Variants in PPFIA2 observed in about 807,000 individuals in gnomAD.
PPFIA2 encodes the protein PPFI scaffold protein A2.
PPFIA2 carries 46 observed loss-of-function variants against 175.5 expected under a neutral mutation model. The ratio of observed to expected loss-of-function variants is 0.26; its 90% CI spans 0.21 to 0.34. The LOEUF (loss-of-function observed/expected upper bound fraction) is 0.34. Among genes scored for constraint, PPFIA2 ranks in the 10% least tolerant of loss-of-function variants. PPFIA2 has a pLI of 1.00. For missense variants in PPFIA2, 1,179 were observed against 1,506.1 expected (o/e 0.78, Z 3.60); for synonymous variants, 568 against 511.4 (o/e 1.11, Z -1.49).
chr12:81,582,792 G>C (rs1304114640), intron 4 of PPFIA2, among the ~76,000 whole-genome samples: 1 of 151,642 alleles, frequency 6.6e-6, no homozygotes, highest in Non-Finnish European at 1.5e-5. Context: ...ATATATTTTT[G>C]GAGTGTCACA....
At chr12:81,666,172 A>T (rs1249138906) in intron 4 of PPFIA2, among the ~76,000 whole-genome samples, 4 of 152,172 alleles carry the variant, frequency 2.6e-5, no homozygotes, top group Admixed American at 2.6e-4. Context: ...GGGACTGTAA[A>T]CTAGTTCAAC....
intron 4 of PPFIA2, chr12:81,675,433 A>G (rs2072318634): frequency 6.6e-6 from 1 of 152,014 alleles, no homozygotes; most frequent in Admixed American, 6.6e-5. Flanking sequence ...AGAGGGTATG[A>G]CAAACTAACT....
chr12:81,663,974 C>T lies in PPFIA2; in HGVS notation c.303+12817G>A, dbSNP rs533656152. Among the ~76,000 whole-genome samples, 39 of 152,310 alleles carry T rather than the reference C, an allele frequency of 2.6e-4. No individual in the cohort carries two copies. The South Asian group carries it at 7.7e-3, about 30-fold the overall frequency. On this transcript the variant is annotated intron_variant, in intron 4 of 32. Transcript: ENST00000549396. ...TATTTAATAAATGGTGCTGGGAAAGCTGACTAACCATACTTAGAAAGCTGA... is the reference window on the plus strand; with the variant it reads ...TATTTAATAAATGGTGCTGGGAAAGTTGACTAACCATACTTAGAAAGCTGA...
At chr12:81,610,672 T>A (rs2060804923) in intron 4 of PPFIA2, among the ~76,000 whole-genome samples, 1 of 152,210 alleles carries the variant, frequency 6.6e-6, no homozygotes, top group Non-Finnish European at 1.5e-5. Context: ...GTTTACTTTA[T>A]CCTGAATCTT....
At chr12:81,653,161 C>T (rs1247982888) in intron 4 of PPFIA2, among the ~76,000 whole-genome samples, 2 of 152,030 alleles carry the variant, frequency 1.3e-5, no homozygotes, top group African/African-American at 4.8e-5. Flanking sequence ...TTAAGAGCAA[C>T]CAGCATAATA....
chr12:81,572,565 T>G (rs1003686578), intron 4 of PPFIA2, among the ~76,000 whole-genome samples: 1 of 152,020 alleles, frequency 6.6e-6, no homozygotes, highest in Non-Finnish European at 1.5e-5. Context: ...TTTAATAAAC[T>G]TTAGAATAAA....
chr12:81,607,255 C>A (rs1012456225), intron 4 of PPFIA2, among the ~76,000 whole-genome samples: 3 of 151,980 alleles, frequency 2.0e-5, no homozygotes, highest in African/African-American at 7.2e-5. Context: ...CAACTTTGTT[C>A]TTTTGCTTAG....
intron 4 of PPFIA2, among the ~76,000 whole-genome samples, chr12:81,572,534 C>T (rs1030590660): frequency 1.3e-5 from 2 of 151,930 alleles, no homozygotes; most frequent in Non-Finnish European, 2.9e-5. Context: ...CAGTGCCTAC[C>T]ACATATCACA....
At chr12:81,297,294 G>T (rs534052231) in intron 23 of PPFIA2, among the ~76,000 whole-genome samples, 86 of 152,228 alleles carry the variant, frequency 5.6e-4, no homozygotes, top group African/African-American at 2.0e-3. Flanking sequence ...GAAGTCATGA[G>T]ATCATAAATG....
At chr12:81,361,185 T>C (rs1460324279) in intron 15 of PPFIA2, among the ~76,000 whole-genome samples, 1 of 151,650 alleles carries the variant, frequency 6.6e-6, no homozygotes, top group Non-Finnish European at 1.5e-5. Context: ...TAGACAACAC[T>C]TTGAAACTCT....
At chr12:81,447,799 A>G (rs969679353) in intron 5 of PPFIA2, among the ~76,000 whole-genome samples, 1 of 152,162 alleles carries the variant, frequency 6.6e-6, no homozygotes, top group African/African-American at 2.4e-5. Flanking sequence ...TGTTGAGTGA[A>G]CTGAAATGTT....
chr12:81,750,892 T>A (rs1853621725), intron 3 of PPFIA2, among the ~76,000 whole-genome samples: 1 of 152,160 alleles, frequency 6.6e-6, no homozygotes. Flanking sequence ...ATAATTTTCA[T>A]TTTTCTGTTA....
intron 4 of PPFIA2, among the ~76,000 whole-genome samples, chr12:81,574,341 G>A (rs2073114335): frequency 6.6e-6 from 1 of 151,638 alleles, no homozygotes; most frequent in Non-Finnish European, 1.5e-5. Flanking sequence ...TTATACTTGA[G>A]TACTAAAATT....
At chr12:81,683,594 G>A (rs561115507) in intron 3 of PPFIA2, among the ~76,000 whole-genome samples, 2 of 151,854 alleles carry the variant, frequency 1.3e-5, no homozygotes, top group Non-Finnish European at 2.9e-5. Context: ...ATCTTTTGCC[G>A]TTCTCCCTCT....
At chr12:81,495,551 T>C (rs1444600948) in intron 4 of PPFIA2, among the ~76,000 whole-genome samples, 1 of 152,102 alleles carries the variant, frequency 6.6e-6, no homozygotes, top group Non-Finnish European at 1.5e-5. Context: ...ATGCCTGTAA[T>C]GCCAGCACTT....
intron 4 of PPFIA2, among the ~76,000 whole-genome samples, chr12:81,538,814 T>C (rs1055485173): frequency 5.9e-5 from 9 of 151,864 alleles, no homozygotes; most frequent in African/African-American, 1.9e-4. Flanking sequence ...CTAAGAATGT[T>C]GGCTTCCATC....
At chr12:81,536,745 C>CATATGTATAT (rs141611965) in intron 4 of PPFIA2, among the ~76,000 whole-genome samples, 1 of 136,662 alleles carries the variant, frequency 7.3e-6, no homozygotes, top group Non-Finnish European at 1.6e-5. Flanking sequence ...TATACATAAA[C>CATATGTATAT]ATATATATAT....
chr12:81,277,704 T>TTAATG (rs930551356), intron 27 of PPFIA2, among the ~76,000 whole-genome samples: 1 of 152,202 alleles, frequency 6.6e-6, no homozygotes, highest in Non-Finnish European at 1.5e-5. Flanking sequence ...CATTTAGCTA[T>TTAATG]TCCTACATTA....
intron 4 of PPFIA2, among the ~76,000 whole-genome samples, chr12:81,525,214 A>C (rs544078411): frequency 5.1e-4 from 78 of 152,274 alleles, no homozygotes; most frequent in Non-Finnish European, 7.4e-5. Context: ...AGGTCAAGAC[A>C]CTGGTATTTT....
Sources: gnomAD v4.1 joint callset for allele counts (sites outside exome capture counted in the v4.1 genomes callset) on GRCh38, gnomAD v4.1.1 for gene constraint, MANE v1.5 for transcripts, NCBI Gene and HGNC (gene_info 2026-07-23, HGNC 2026-07-21) for gene names.